Variants in GABRB3 observed in about 807,000 individuals in gnomAD.
GABRB3 encodes gamma-aminobutyric acid type A receptor subunit beta3, also known as gamma-aminobutyric acid receptor subunit beta-3.
GABRB3 carries 14 observed loss-of-function variants against 52.1 expected under a neutral mutation model. The observed-to-expected ratio is 0.27, with a 90% CI of 0.18 to 0.42. GABRB3 has a LOEUF of 0.42. GABRB3 is among the 10% of genes least tolerant of loss of function. The pLI is 1.00. For synonymous variants in GABRB3, 260 were observed against 232.3 expected (o/e 1.12, Z -1.08); for missense variants, 307 against 609.1 (o/e 0.50, Z 5.22).
In GABRB3 at chr15:26,660,167, T is replaced by C. The variant is rs548962225; in HGVS notation, c.241-38633A>G. 2.5e-4 allele frequency among the ~76,000 whole-genome samples: 38 copies of C among 150,548 alleles called. No individual in the cohort carries two copies. The South Asian group carries it at 6.0e-3, about 24-fold the overall frequency. ...ATTGCTTGAACCCGGGAGGTGGAGG[T>C]TGCGGTGAGTCGAGATCATGCCACT... is the stretch of plus-strand genomic sequence containing the variant. On this transcript the variant is annotated intron_variant, in intron 3 of 8. Transcript: ENST00000311550.
At chr15:26,772,215 C>A in intron 3 of GABRB3, 187 bp downstream of exon 3, 1 of 505,814 alleles carries the variant, frequency 2.0e-6, no homozygotes, top group South Asian at 2.9e-5. Flanking sequence ...GCCAGGCCCC[C>A]GAGCGCCCGG....
At chr15:26,633,050 G>A (rs1257101286) in intron 3 of GABRB3, among the ~76,000 whole-genome samples, 2 of 152,072 alleles carry the variant, frequency 1.3e-5, no homozygotes, top group Non-Finnish European at 2.9e-5. Flanking sequence ...GTGTTTTCCT[G>A]AGATGCAGGT....
rs1595459235 is a variant in GABRB3, at chr15:26,583,799, G to C, written c.462-385C>G. Among the ~76,000 whole-genome samples the C allele has an allele frequency of 2.9e-5, 4 of 139,902 alleles. 1 individual carries two copies. Among genetic ancestry groups the C allele is most frequent in the East Asian group, 4.1e-4 (2 of 4,908 alleles). The allele number at this position is 139,902 out of a possible 152,430, so 91.8% of individuals were successfully genotyped here. On this transcript the variant is annotated intron_variant, in intron 4 of 8. Coordinates refer to ENST00000311550, the MANE Select transcript of GABRB3 (RefSeq NM_000814.6). ...ACCTATTTTTTTTTTTTTTTGATCA[G>C]AGTCTTGCTCTGTCGCCCAGGCTGG...
chr15:26,637,088 A>G (rs1401016953), intron 3 of GABRB3, among the ~76,000 whole-genome samples: 4 of 152,180 alleles, frequency 2.6e-5, no homozygotes, highest in African/African-American at 9.7e-5. Context: ...AGTAAAGCCT[A>G]AGTCAACATG....
chr15:26,628,990 T>A, intron 3 of GABRB3: 1 of 1,536,114 alleles, frequency 6.5e-7, no homozygotes, highest in Non-Finnish European at 8.7e-7. Flanking sequence ...TTCTGTCTGG[T>A]AGGTGGCCCA....
intron 3 of GABRB3, among the ~76,000 whole-genome samples, chr15:26,730,542 C>T (rs1460859421): frequency 6.6e-6 from 1 of 152,084 alleles, no homozygotes; most frequent in African/African-American, 2.4e-5. Flanking sequence ...AGAAGAGGAG[C>T]TGAAGAGGCC....
chr15:26,763,622 AC>A, intron 3 of GABRB3, among the ~76,000 whole-genome samples: 1 of 151,868 alleles, frequency 6.6e-6, no homozygotes, highest in Admixed American at 6.6e-5. Flanking sequence ...ACACACACAC[AC>A]ACACACACAC....
At chr15:26,619,545 C>T (rs906038679) in intron 4 of GABRB3, among the ~76,000 whole-genome samples, 5 of 149,268 alleles carry the variant, frequency 3.3e-5, no homozygotes, top group Non-Finnish European at 5.9e-5. Context: ...GGAGGGATAG[C>T]ATTGGGATAT....
rs192478702 is a variant in GABRB3, at chr15:26,682,240, C to A, written c.241-60706G>T. 1.2e-4 allele frequency among the ~76,000 whole-genome samples: 19 copies of A among 152,278 alleles called. No individual in the cohort carries two copies. In the East Asian group the frequency reaches 3.1e-3, roughly 25 times the overall value. ...CCCTTCACATTCACAACGTCCTCAACAAAGGCTGCATGGAATCCTGGGATG... is the reference window on the plus strand; with the variant it reads ...CCCTTCACATTCACAACGTCCTCAAAAAAGGCTGCATGGAATCCTGGGATG... On this transcript the variant is annotated intron_variant, in intron 3 of 8. Coordinates refer to ENST00000311550, the MANE Select transcript of GABRB3 (RefSeq NM_000814.6).
At chr15:26,620,111 G>A (rs923919141) in intron 4 of GABRB3, among the ~76,000 whole-genome samples, 3 of 152,036 alleles carry the variant, frequency 2.0e-5, no homozygotes, top group Admixed American at 6.6e-5. Flanking sequence ...CTGAACCTCC[G>A]GAGCTTTACA....
Position 26,561,061 on chromosome 15 carries a change from C to A in GABRB3, c.951G>T (p.Val317=). 2.5e-6 allele frequency: 4 copies of A among 1,614,166 alleles called. No homozygotes were observed. The highest frequency in any genetic ancestry group is 3.4e-6 in the Non-Finnish European group (4 of 1,180,040). ...DMYLMGCFVF[V]FLALLEYAFV... ...AGGCATACTCCAGAAGGGCCAGGAA[C>A]ACAAAGACGAAGCAGCCCATAAGGT... Residue 317 remains valine, a synonymous_variant, in exon 8 of 9, where the codon GTG becomes GTT. Transcript: ENST00000311550.
upstream of GABRB3, among the ~76,000 whole-genome samples, chr15:26,773,480 G>A (rs917749245): frequency 1.3e-4 from 20 of 151,800 alleles, no homozygotes; most frequent in Admixed American, 5.2e-4. Context: ...AGCGGCGGCG[G>A]AAACGCTGCC....
chr15:26,640,715 T>C (rs1346466254), intron 3 of GABRB3, among the ~76,000 whole-genome samples: 1 of 152,222 alleles, frequency 6.6e-6, no homozygotes, highest in Admixed American at 6.5e-5. Flanking sequence ...AAGTGTCCTT[T>C]ATGTTTCTCA....
intron 3 of GABRB3, among the ~76,000 whole-genome samples, chr15:26,717,056 T>G (rs1163812315): frequency 7.9e-6 from 1 of 126,070 alleles, no homozygotes; most frequent in African/African-American, 3.2e-5. Flanking sequence ...TCTGGGGACC[T>G]CCCTCCGATG....
At chr15:26,622,528 G>A (rs1892524901) in intron 3 of GABRB3, among the ~76,000 whole-genome samples, 1 of 152,158 alleles carries the variant, frequency 6.6e-6, no homozygotes, top group African/African-American at 2.4e-5. Context: ...GGAAAAAATC[G>A]CTGCCATTCT....
At chr15:26,615,349 C>T (rs781572703) in intron 4 of GABRB3, 1 of 985,598 alleles carries the variant, frequency 1.0e-6, no homozygotes, top group Non-Finnish European at 1.2e-6. Flanking sequence ...CTGTCCAGAG[C>T]ATTCTCTCCC....
chr15:26,600,763 A>C (rs543772910), intron 4 of GABRB3, among the ~76,000 whole-genome samples: 2 of 152,356 alleles, frequency 1.3e-5, no homozygotes, highest in African/African-American at 4.8e-5. Flanking sequence ...AAAGCCAAAA[A>C]GTAGTAATAT....
chr15:26,753,889 A>G (rs1303286607), intron 3 of GABRB3, among the ~76,000 whole-genome samples: 1 of 152,160 alleles, frequency 6.6e-6, no homozygotes, highest in Non-Finnish European at 1.5e-5. Flanking sequence ...ATGGAAACAG[A>G]ACTTGAGTTC....
At chr15:26,771,859 G>C (rs1320450045) in intron 3 of GABRB3, 2 of 152,424 alleles carry the variant, frequency 1.3e-5, no homozygotes, top group African/African-American at 2.4e-5. Context: ...TGCCGGGCCC[G>C]GGTCTCCCAG....
Sources: allele counts gnomAD v4.1 joint callset (sites outside exome capture counted in the v4.1 genomes callset), GRCh38; gene constraint gnomAD v4.1.1; transcripts MANE v1.5; gene names NCBI Gene and HGNC (gene_info 2026-07-23, HGNC 2026-07-21).